CSMD1: variants seen among roughly 807,000 people sequenced by gnomAD.
CSMD1 encodes CUB and Sushi multiple domains 1.
Under a neutral mutation model 417.5 loss-of-function variants are expected in CSMD1, and 213 were observed. That is an observed-to-expected ratio of 0.51 (90% CI 0.46 to 0.57). The LOEUF (loss-of-function observed/expected upper bound fraction) is 0.57, where lower values mean the gene tolerates loss of function less well. Among genes scored for constraint, CSMD1 ranks in the 20% least tolerant of loss-of-function variants. The pLI is 0.00. For missense variants in CSMD1, 6,923 were observed against 4,529.7 expected, an observed-to-expected ratio of 1.53 and a Z score of -15.17; for synonymous variants, 2,862 against 1,736.8, an observed-to-expected ratio of 1.65 and a Z score of -16.11.
At chr8:3,768,559 T>C (rs1428233230) in intron 5 of CSMD1, among the ~76,000 whole-genome samples, 1 of 152,202 alleles carries the variant, frequency 6.6e-6, no homozygotes, top group Non-Finnish European at 1.5e-5. Context: ...CAGACACTGC[T>C]AAACAGAAAC....
intron 4 of CSMD1, among the ~76,000 whole-genome samples, chr8:3,999,249 A>T (rs1815469196): frequency 6.6e-6 from 1 of 152,056 alleles, no homozygotes; most frequent in African/African-American, 2.4e-5. Flanking sequence ...GATGATATGT[A>T]AAAGTCAGCC....
chr8:3,112,529 C>G (rs1024365277), intron 42 of CSMD1, among the ~76,000 whole-genome samples: 1 of 152,160 alleles, frequency 6.6e-6, no homozygotes, highest in Non-Finnish European at 1.5e-5. Context: ...TAACATTGAG[C>G]AAGTCAGTGA....
intron 2 of CSMD1, among the ~76,000 whole-genome samples, chr8:4,599,476 T>A (rs1187173393): frequency 6.6e-6 from 1 of 152,044 alleles, no homozygotes; most frequent in Non-Finnish European, 1.5e-5. Context: ...GAAGCTCAAA[T>A]TTGAGTGGAA....
At position 3,110,261 on chromosome 8, in the gene CSMD1, G is replaced by T; in HGVS notation, c.6505C>A (p.Leu2169Met). ...SPGFPDEYPI[L>M]KDCIWLITVP... Reference sequence around the variant, plus strand: ...GTGATGAGCCAAATGCAGTCCTTCAGGATCGGATACTCATCAGGAAAGCCA... The same window carrying T: ...GTGATGAGCCAAATGCAGTCCTTCATGATCGGATACTCATCAGGAAAGCCA... Residue 2169 changes from leucine to methionine, a missense_variant, in exon 43 of 70, where the codon CTG (leucine) becomes ATG (methionine). Physicochemically the swap from Leu to Met is conservative, Grantham distance 15 (BLOSUM62 2). Coordinates refer to ENST00000635120, the MANE Select transcript of CSMD1 (RefSeq NM_033225.6). The T allele has an allele frequency of 1.9e-6, 3 of 1,613,546 alleles. No homozygotes were observed. Among genetic ancestry groups the T allele is most frequent in the South Asian group, 1.1e-5 (1 of 90,876 alleles).
At chr8:4,280,476 G>A (rs938124177) in intron 3 of CSMD1, among the ~76,000 whole-genome samples, 1 of 152,170 alleles carries the variant, frequency 6.6e-6, no homozygotes, top group Non-Finnish European at 1.5e-5. Flanking sequence ...CACTGTTTCA[G>A]TATATCCTCC....
intron 1 of CSMD1, among the ~76,000 whole-genome samples, chr8:4,899,616 C>T (rs1804732461): frequency 6.6e-6 from 1 of 152,150 alleles, no homozygotes; most frequent in African/African-American, 2.4e-5. Flanking sequence ...CCTGTGGTTA[C>T]ATAACATATA....
At chr8:3,566,685 C>T (rs1398233760) in intron 10 of CSMD1, among the ~76,000 whole-genome samples, 1 of 152,082 alleles carries the variant, frequency 6.6e-6, no homozygotes, top group Non-Finnish European at 1.5e-5. Context: ...AAAAGGTCAA[C>T]ATCACTGATC....
chr8:4,891,004 CCT>C (rs1183295868), intron 1 of CSMD1, among the ~76,000 whole-genome samples: 2 of 152,056 alleles, frequency 1.3e-5, no homozygotes, highest in Non-Finnish European at 2.9e-5. Flanking sequence ...TCAATCAAGA[CCT>C]CTCCAAATAA....
At chr8:2,950,619 G>C (rs1802563870) in intron 66 of CSMD1, among the ~76,000 whole-genome samples, 2 of 151,990 alleles carry the variant, frequency 1.3e-5, no homozygotes, top group Admixed American at 1.3e-4. Flanking sequence ...TAACATATTT[G>C]ATTTTGCTAA....
chr8:4,005,237 A>G (rs1816017445), intron 4 of CSMD1, among the ~76,000 whole-genome samples: 2 of 151,238 alleles, frequency 1.3e-5, no homozygotes, highest in African/African-American at 4.9e-5. Context: ...ACCACTGAAG[A>G]ACTTACTTAT....
intron 5 of CSMD1, among the ~76,000 whole-genome samples, chr8:3,969,263 A>G (rs1812909849): frequency 1.3e-5 from 2 of 152,166 alleles, no homozygotes; most frequent in South Asian, 2.1e-4. Context: ...AAATAAAGAT[A>G]AAAAGAGTGG....
chr8:3,426,454 C>A (rs1457200859), intron 12 of CSMD1, among the ~76,000 whole-genome samples: 5 of 152,124 alleles, frequency 3.3e-5, no homozygotes, highest in African/African-American at 1.2e-4. Flanking sequence ...CTTTTCAAAT[C>A]AATTAATGGA....
chr8:4,695,194 T>C (rs2116785536), intron 1 of CSMD1, among the ~76,000 whole-genome samples: 1 of 152,278 alleles, frequency 6.6e-6, no homozygotes, highest in East Asian at 1.9e-4. Flanking sequence ...AAGTTATTTT[T>C]GTCATTTCCC....
At chr8:4,061,056 G>A (rs1006492207) in intron 3 of CSMD1, among the ~76,000 whole-genome samples, 5 of 55,496 alleles carry the variant, frequency 9.0e-5, no homozygotes, top group African/African-American at 2.1e-4. Flanking sequence ...TGTACAAAAT[G>A]CCATCTACAT....
intron 2 of CSMD1, among the ~76,000 whole-genome samples, chr8:4,526,346 G>T (rs1414469024): frequency 3.9e-5 from 6 of 152,180 alleles, no homozygotes; most frequent in African/African-American, 1.4e-4. Flanking sequence ...ATGGTATTAG[G>T]TTCACGCTGA....
At chr8:4,058,881 A>C (rs1261237243) in intron 3 of CSMD1, among the ~76,000 whole-genome samples, 1 of 151,610 alleles carries the variant, frequency 6.6e-6, no homozygotes, top group Non-Finnish European at 1.5e-5. Flanking sequence ...TAGACAGATC[A>C]ACGAGAGAGA....
At chr8:4,579,523 C>T (rs925944948) in intron 2 of CSMD1, among the ~76,000 whole-genome samples, 2 of 151,900 alleles carry the variant, frequency 1.3e-5, no homozygotes, top group African/African-American at 2.4e-5. Flanking sequence ...CCACCACGCC[C>T]AGCTAATTTT....
intron 69 of CSMD1, among the ~76,000 whole-genome samples, chr8:2,942,207 C>T (rs1801920687): frequency 6.6e-6 from 1 of 152,002 alleles, no homozygotes; most frequent in South Asian, 2.1e-4. Context: ...TCAAGAAGAA[C>T]AGCTGATGGG....
intron 7 of CSMD1, among the ~76,000 whole-genome samples, chr8:3,624,182 G>A (rs1264887494): frequency 6.6e-6 from 1 of 152,094 alleles, no homozygotes; most frequent in East Asian, 1.9e-4. Context: ...ATGAAGAGGT[G>A]TTTTCATTTA....
Sources: allele counts gnomAD v4.1 joint callset (sites outside exome capture counted in the v4.1 genomes callset), GRCh38; gene constraint gnomAD v4.1.1; transcripts MANE v1.5; gene names NCBI Gene and HGNC (gene_info 2026-07-23, HGNC 2026-07-21).